The following AFF3 variants were observed in gnomAD, a reference collection of about 807,000 sequenced individuals.
AFF3 encodes the protein AF4/FMR2 family member 3.
Under a neutral mutation model 129.7 loss-of-function variants are expected in AFF3, and 32 were observed. That is an observed-to-expected ratio of 0.25 (90% CI 0.19 to 0.33). The LOEUF (loss-of-function observed/expected upper bound fraction) is 0.33, where lower values mean the gene tolerates loss of function less well. AFF3 is among the 10% of genes least tolerant of loss of function. The pLI is 1.00. For missense variants in AFF3, 1,373 were observed against 1,592.0 expected (o/e 0.86, Z 2.34); for synonymous variants, 644 against 635.4 (o/e 1.01, Z -0.20).
At chr2:99,583,852 G>A (rs1443642588) in intron 16 of AFF3, among the ~76,000 whole-genome samples, 4 of 151,852 alleles carry the variant, frequency 2.6e-5, no homozygotes, top group Non-Finnish European at 5.9e-5. Context: ...ACAGGTGCCT[G>A]CCACCACATC....
chr2:99,726,531 G>A (rs1207317686), intron 11 of AFF3, among the ~76,000 whole-genome samples: 1 of 152,152 alleles, frequency 6.6e-6, no homozygotes, highest in East Asian at 1.9e-4. Context: ...TGGATTCCTT[G>A]AATATTGAGA....
intron 11 of AFF3, among the ~76,000 whole-genome samples, chr2:99,714,852 A>T (rs1455236552): frequency 6.6e-6 from 1 of 152,254 alleles, no homozygotes; most frequent in Non-Finnish European, 1.5e-5. Context: ...GAGCTAATTA[A>T]AAAATTTTAA....
chr2:100,113,594 A>T (rs1242849633), intron 2 of AFF3, among the ~76,000 whole-genome samples: 5 of 152,240 alleles, frequency 3.3e-5, no homozygotes, highest in African/African-American at 1.2e-4. Context: ...AATAGAACAA[A>T]CGCCGTGTAC....
chr2:99,667,293 G>A (rs1686752733), intron 12 of AFF3, among the ~76,000 whole-genome samples: 1 of 152,154 alleles, frequency 6.6e-6, no homozygotes, highest in Non-Finnish European at 1.5e-5. Context: ...TAATCCATGA[G>A]TCAAAGAAGT....
At chr2:100,095,884 G>A (rs77023845) in intron 4 of AFF3, among the ~76,000 whole-genome samples, 22,004 of 152,162 alleles carry the variant, frequency 0.14, 1,918 homozygotes, top group East Asian at 0.28. Flanking sequence ...AGGGTACTCC[G>A]GTAACGGCGC....
chr2:99,867,949 AG>A (rs1237773226), intron 7 of AFF3, among the ~76,000 whole-genome samples: 2 of 151,074 alleles, frequency 1.3e-5, no homozygotes, highest in Non-Finnish European at 2.9e-5. Flanking sequence ...GTGGAGGGAG[AG>A]ATTAGCGTTC....
chr2:99,962,687 A>C (rs1677343886), intron 7 of AFF3, among the ~76,000 whole-genome samples: 1 of 152,146 alleles, frequency 6.6e-6, no homozygotes, highest in African/African-American at 2.4e-5. Context: ...ACCTGAAGAC[A>C]TATCAACAGA....
intron 8 of AFF3, among the ~76,000 whole-genome samples, chr2:99,806,135 A>G (rs147588169): frequency 3.6e-4 from 55 of 152,324 alleles, no homozygotes; most frequent in African/African-American, 1.2e-3. Flanking sequence ...GCCATGATAA[A>G]TAAGGTTCGC....
chr2:100,105,347 CTG>C (rs1691205281), intron 3 of AFF3, 155 bp downstream of exon 3: 1 of 1,237,576 alleles, frequency 8.1e-7, no homozygotes, highest in Non-Finnish European at 1.0e-6. Context: ...TTTAAGGTCT[CTG>C]GAGCCCGCAA....
chr2:99,578,558 T>C (rs1174669958), intron 17 of AFF3, 107 bp from the exon 18 acceptor site: 1 of 1,486,016 alleles, frequency 6.7e-7, no homozygotes, highest in Non-Finnish European at 9.1e-7. Context: ...CAGAACATCT[T>C]TGTGTGCTGT....
At chr2:99,835,651 C>T (rs1293270108) in intron 8 of AFF3, among the ~76,000 whole-genome samples, 1 of 152,170 alleles carries the variant, frequency 6.6e-6, no homozygotes, top group Non-Finnish European at 1.5e-5. Context: ...TCTCTCTTTC[C>T]TCCTCGTCCA....
intron 8 of AFF3, among the ~76,000 whole-genome samples, chr2:99,784,582 G>T (rs563951352): frequency 6.6e-6 from 1 of 152,302 alleles, no homozygotes; most frequent in Admixed American, 6.5e-5. Flanking sequence ...TATGATATTG[G>T]AACGGCATAA....
intron 8 of AFF3, among the ~76,000 whole-genome samples, chr2:99,816,405 G>A (rs539341891): frequency 6.6e-6 from 1 of 152,264 alleles, no homozygotes; most frequent in African/African-American, 2.4e-5. Context: ...TGTAAGTCTT[G>A]TAATTTTTTG....
chr2:99,753,084 T>G (rs1440251759), intron 8 of AFF3, among the ~76,000 whole-genome samples: 1 of 152,174 alleles, frequency 6.6e-6, no homozygotes, highest in African/African-American at 2.4e-5. Context: ...ACGAATTAGA[T>G]GTGAACCCTA....
At chr2:99,809,221 T>C (rs568066710) in intron 8 of AFF3, among the ~76,000 whole-genome samples, 1 of 152,160 alleles carries the variant, frequency 6.6e-6, no homozygotes, top group Admixed American at 6.5e-5. Flanking sequence ...TACTTGGACA[T>C]GGGAGTGAAG....
rs188658363 is a variant in AFF3, at chr2:99,550,245, A to T, written c.*1229T>A. The stretch of plus-strand genomic sequence containing the variant: ...CAAGGTGTAAACATACCAGACACAC[A>T]GGACACAGGAAGAGGCTCTGGTTGC... On this transcript the variant is annotated 3_prime_UTR_variant, in exon 25 of 25. Coordinates refer to ENST00000672756, the MANE Select transcript of AFF3 (RefSeq NM_001386135.1). 4.3e-6 allele frequency: 1 copy of T among 230,978 alleles called. No homozygotes were observed. The highest frequency in any genetic ancestry group is 2.2e-5 in the African/African-American group (1 of 45,382). 14.3% of individuals were successfully genotyped at this position (230,978 alleles called of 1,614,324 possible). A position where few individuals can be genotyped will look rare whatever the true frequency, so the allele number is the denominator to read the frequency against.
At chr2:99,791,654 T>A (rs545293480) in intron 8 of AFF3, among the ~76,000 whole-genome samples, 5 of 152,334 alleles carry the variant, frequency 3.3e-5, no homozygotes, top group Middle Eastern at 3.4e-3. Context: ...ATACTCACAG[T>A]GCTTTCCTGG....
At chr2:99,850,306 C>T (rs1404758422) in intron 7 of AFF3, among the ~76,000 whole-genome samples, 1 of 152,224 alleles carries the variant, frequency 6.6e-6, no homozygotes, top group Non-Finnish European at 1.5e-5. Context: ...AAGCTGAAAG[C>T]TCCAGAGTCT....
At chr2:99,636,034 TA>T (rs1388191012) in intron 13 of AFF3, among the ~76,000 whole-genome samples, 2 of 152,182 alleles carry the variant, frequency 1.3e-5, no homozygotes, top group Non-Finnish European at 2.9e-5. Context: ...GTAATTCCAT[TA>T]AATAGTTTAG....
Sources: allele counts gnomAD v4.1 joint callset (sites outside exome capture counted in the v4.1 genomes callset), GRCh38; gene constraint gnomAD v4.1.1; transcripts MANE v1.5; gene names NCBI Gene and HGNC (gene_info 2026-07-23, HGNC 2026-07-21).